EIF2B1: variants seen among roughly 807,000 people sequenced by gnomAD.
EIF2B1 encodes translation initiation factor eIF2B subunit alpha.
A neutral mutation model predicts 36.8 loss-of-function variants in EIF2B1; 30 were observed. That is an observed-to-expected ratio of 0.81 (90% CI 0.61 to 1.10). EIF2B1 has a LOEUF of 1.10. Ranked by LOEUF, EIF2B1 falls within the 50% of genes least tolerant of loss-of-function variation. The pLI is 0.00. For synonymous variants in EIF2B1, 139 were observed against 142.2 expected (o/e 0.98, Z 0.16); for missense variants, 271 against 374.8 (o/e 0.72, Z 2.29).
chr12:123,624,944 T>C, intron 6 of EIF2B1, 82 bp from the exon 7 acceptor site: 1 of 1,323,722 alleles, frequency 7.6e-7, no homozygotes, highest in Non-Finnish European at 1.1e-6. Flanking sequence ...CAATATTCCA[T>C]TTCTATCAAG....
Position 123,621,557 on chromosome 12 carries a change from G to T in EIF2B1, c.*199C>A. 1 of 649,820 alleles carries T rather than the reference G, an allele frequency of 1.5e-6. No homozygotes were observed. The highest frequency in any genetic ancestry group is 2.6e-6 in the Non-Finnish European group (1 of 378,892). 40.3% of individuals were successfully genotyped at this position (649,820 alleles called of 1,614,324 possible). A position where few individuals can be genotyped will look rare whatever the true frequency, so the allele number is the denominator to read the frequency against. ...AAACCGTAAGAACAATTTAAGTTGG[G>T]ATTTAGAATAGCTGACACATTTTTA... On this transcript the variant is annotated 3_prime_UTR_variant, in exon 9 of 9. Transcript: ENST00000424014.
At chr12:123,623,834 GGA>G (rs1217621416) in intron 7 of EIF2B1, among the ~76,000 whole-genome samples, 1 of 152,032 alleles carries the variant, frequency 6.6e-6, no homozygotes, top group Admixed American at 6.6e-5. Flanking sequence ...ATTAAATAAT[GGA>G]GAGAGAGATT....
chr12:123,625,588 G>C lies in EIF2B1; in HGVS notation c.552-726C>G, dbSNP rs373611459. On this transcript the variant is annotated intron_variant, in intron 6 of 8. Coordinates refer to ENST00000424014, the MANE Select transcript of EIF2B1 (RefSeq NM_001414.4). ...AGAATTCCTCAAAATCCTTACTTTTGAACACATTCCTAATTTCCTTAATCA... is the reference window on the plus strand; with the variant it reads ...AGAATTCCTCAAAATCCTTACTTTTCAACACATTCCTAATTTCCTTAATCA... Among the ~76,000 whole-genome samples the C allele has an allele frequency of 5.9e-5, 9 of 152,280 alleles. No individual in the cohort carries two copies. The South Asian group carries it at 1.0e-3, about 18-fold the overall frequency.
intron 6 of EIF2B1, among the ~76,000 whole-genome samples, chr12:123,625,163 C>CTCTACTTTCTTT (rs1955139006): frequency 6.6e-6 from 1 of 152,154 alleles, no homozygotes; most frequent in African/African-American, 2.4e-5. Flanking sequence ...GTGTGGTATC[C>CTCTACTTTCTTT]TCTACTTTCT....
At chr12:123,623,468 T>TG (rs1220970451) in intron 7 of EIF2B1, among the ~76,000 whole-genome samples, 6 of 152,268 alleles carry the variant, frequency 3.9e-5, no homozygotes, top group African/African-American at 1.4e-4. Context: ...AGTGGGAATG[T>TG]AAAGTAGTGC....
chr12:123,624,087 C>A (rs1202429334), intron 7 of EIF2B1, among the ~76,000 whole-genome samples: 1 of 148,376 alleles, frequency 6.7e-6, no homozygotes, highest in African/African-American at 2.5e-5. Context: ...TTTATACATA[C>A]ATACTTTATA....
At position 123,621,520 on chromosome 12, in the gene EIF2B1, G is replaced by A; in HGVS notation, c.*236C>T. 1 of 555,124 alleles carries A rather than the reference G, an allele frequency of 1.8e-6. No individual in the cohort carries two copies. The highest frequency in any genetic ancestry group is 3.2e-6 in the Non-Finnish European group (1 of 313,608). The allele number at this position is 555,124 out of a possible 1,614,324, so 34.4% of individuals were successfully genotyped here. ...ACTTGTATTTCTGGAAACTGAAAAG[G>A]AAAGTTTCTAGAAACCGTAAGAACA... is the stretch of plus-strand genomic sequence containing the variant. On this transcript the variant is annotated 3_prime_UTR_variant, in exon 9 of 9. Transcript: ENST00000424014.
chr12:123,620,623 TATATAA>T lies in EIF2B1; in HGVS notation c.*1127_*1132del, dbSNP rs1166276714. 2.0e-5 allele frequency: 2 copies of T among 102,232 alleles called. No homozygotes were observed. The highest frequency in any genetic ancestry group is 6.3e-4 in the South Asian group (2 of 3,178). 6.3% of individuals were successfully genotyped at this position (102,232 alleles called of 1,614,324 possible). ...ATATATATATATATATATATATATATATATAAGCTCTTTTTTCTGAGGCTATTTTAT... is the reference window on the plus strand; with the variant it reads ...ATATATATATATATATATATATATATGCTCTTTTTTCTGAGGCTATTTTAT... On this transcript the variant is annotated 3_prime_UTR_variant, in exon 9 of 9. Transcript: ENST00000424014.
In EIF2B1 at chr12:123,622,296, A is replaced by G. The variant is rs1225374222; in HGVS notation, c.753+340T>C. Among the ~76,000 whole-genome samples the G allele has an allele frequency of 2.0e-5, 3 of 152,184 alleles. 1 individual carries two copies. In the East Asian group the frequency reaches 5.8e-4, roughly 29 times the overall value. ...GATACTGCTATGCCATTTTACAGAC[A>G]AGAAAACCGGTTCAGAGGTTGAAAT... On this transcript the variant is annotated intron_variant, in intron 8 of 8. Coordinates refer to ENST00000424014, the MANE Select transcript of EIF2B1 (RefSeq NM_001414.4).
Position 123,630,346 on chromosome 12 carries a change from G to A in EIF2B1, c.252+51C>T. 6.2e-7 allele frequency: 1 copy of A among 1,614,160 alleles called. No homozygotes were observed. Among genetic ancestry groups the A allele is most frequent in the South Asian group, 1.1e-5 (1 of 91,084 alleles). ...GATCCAGTTAATGCTGAGAATGTCT[G>A]TCACTAAACAGAGAAGTGGAAAGGT... On this transcript the variant is annotated intron_variant, in intron 3 of 8. Transcript: ENST00000424014. The surrounding 1 kb of genome is among the most constrained non-coding windows in gnomAD (Gnocchi z 4.6).
chr12:123,624,318 G>C (rs1955131985), intron 7 of EIF2B1, among the ~76,000 whole-genome samples: 1 of 130,180 alleles, frequency 7.7e-6, no homozygotes, highest in Non-Finnish European at 1.6e-5. Flanking sequence ...GAATGCAGTA[G>C]TGTGATCATA....
At chr12:123,631,092 T>A (rs937247562) in intron 2 of EIF2B1, among the ~76,000 whole-genome samples, 1 of 152,210 alleles carries the variant, frequency 6.6e-6, no homozygotes, top group African/African-American at 2.4e-5. Flanking sequence ...TTCTGGAATA[T>A]TCCCTGTAGC....
At position 123,630,216 on chromosome 12, in the gene EIF2B1, T is replaced by A; in HGVS notation, c.322A>T (p.Arg108Ter). 1 of 1,614,126 alleles carries A rather than the reference T, an allele frequency of 6.2e-7. No homozygotes were observed. Among genetic ancestry groups the A allele is most frequent in the Non-Finnish European group, 8.5e-7 (1 of 1,180,044 alleles). The change falls in exon 4 of 9, where the codon AGA becomes TGA. Residue 108 changes from arginine (R) to a stop codon, truncating the protein, a stop_gained. Coordinates refer to ENST00000424014, the MANE Select transcript of EIF2B1 (RefSeq NM_001414.4). LOFTEE classifies it high-confidence loss of function. The surrounding 1 kb of genome is among the most constrained non-coding windows in gnomAD (Gnocchi z 4.6). ...TGGCACAGATCTGCAATTTTGTTTCTTGACAGTGATATTCTCCTGAGAAAA... is the reference window on the plus strand; with the variant it reads ...TGGCACAGATCTGCAATTTTGTTTCATGACAGTGATATTCTCCTGAGAAAA... ...ELFLRRISLS[R>*]NKIADLCHTF...
intron 4 of EIF2B1, 183 bp downstream of exon 4, chr12:123,629,986 C>G: frequency 1.5e-6 from 1 of 667,496 alleles, no homozygotes; most frequent in Non-Finnish European, 2.7e-6. Flanking sequence ...TTAATCCTCA[C>G]AACAACCCAA....
At chr12:123,629,317 C>G (rs1955170896) in intron 4 of EIF2B1, among the ~76,000 whole-genome samples, 1 of 152,160 alleles carries the variant, frequency 6.6e-6, no homozygotes, top group African/African-American at 2.4e-5. Flanking sequence ...CACTGCGTGG[C>G]TTTACATCTC....
chr12:123,628,367 T>A (rs968187223), intron 4 of EIF2B1, among the ~76,000 whole-genome samples: 3 of 137,230 alleles, frequency 2.2e-5, no homozygotes, highest in Non-Finnish European at 4.6e-5. Context: ...TTTTTTTTTT[T>A]TTTTTTTTTG....
chr12:123,627,073 G>A lies in EIF2B1; in HGVS notation c.453C>T (p.Tyr151=), dbSNP rs549587142. 16 of 1,614,136 alleles carry A rather than the reference G, an allele frequency of 9.9e-6. No homozygotes were observed. Among genetic ancestry groups the A allele is most frequent in the African/African-American group, 4.0e-5 (3 of 75,034 alleles). Residue 151 remains tyrosine, a synonymous_variant, in exon 5 of 9, where the codon TAC becomes TAT. Coordinates refer to ENST00000424014, the MANE Select transcript of EIF2B1 (RefSeq NM_001414.4). Reference sequence around the variant, plus strand: ...ACAAATCAGGCTGTGACTCTGTGACGTATACACTAAATCGCTTCTTGGCCG... The same window carrying A: ...ACAAATCAGGCTGTGACTCTGTGACATATACACTAAATCGCTTCTTGGCCG... The part of the protein sequence containing the change: ...AVAAKKRFSV[Y]VTESQPDLSG...
intron 2 of EIF2B1, among the ~76,000 whole-genome samples, chr12:123,631,811 A>G: frequency 6.6e-6 from 1 of 151,840 alleles, no homozygotes; most frequent in Non-Finnish European, 1.5e-5. Context: ...CGTCTCAAAA[A>G]AAAAAAAAAA....
At chr12:123,624,987 A>T in intron 6 of EIF2B1, 125 bp from the exon 7 acceptor site, 17 of 846,806 alleles carry the variant, frequency 2.0e-5, no homozygotes, top group East Asian at 2.8e-5. Flanking sequence ...TGTTTTTTTT[A>T]AAGCGCACTT....
Sources: gnomAD v4.1 joint callset for allele counts (sites outside exome capture counted in the v4.1 genomes callset) on GRCh38, gnomAD v4.1.1 for gene constraint, Gnocchi (gnomAD v3.1) non-coding constraint, MANE v1.5 for transcripts, NCBI Gene and HGNC (gene_info 2026-07-23, HGNC 2026-07-21) for gene names.